The following ZNF233 variants were observed in gnomAD, a reference collection of about 807,000 sequenced individuals.
ZNF233 encodes zinc finger protein 233.
Under a neutral mutation model 11.6 loss-of-function variants are expected in ZNF233, and 7 were observed. The ratio of observed to expected loss-of-function variants is 0.60; its 90% CI spans 0.34 to 1.13. ZNF233 has a LOEUF of 1.13. ZNF233 is among the 50% of genes most tolerant of loss of function. The pLI is 0.03. For synonymous variants in ZNF233, 226 were observed against 268.5 expected, an observed-to-expected ratio of 0.84 and a Z score of 1.55; for missense variants, 711 against 785.5, an observed-to-expected ratio of 0.91 and a Z score of 1.13.
In ZNF233 at chr19:44,273,705, C is replaced by A. The variant is rs143381681; in HGVS notation, c.1045C>A (p.Arg349=). 1 of 1,613,976 alleles carries A rather than the reference C, an allele frequency of 6.2e-7. No individual in the cohort carries two copies. The highest frequency in any genetic ancestry group is 1.1e-5 in the South Asian group (1 of 91,056). The change falls in exon 5 of 5, where the codon CGG becomes AGG. Residue 349 remains arginine, a synonymous_variant. Coordinates refer to ENST00000683810, the MANE Select transcript of ZNF233 (RefSeq NM_001207005.2). ...ENLYRCQVYA[R]SSNQNSCLPS... is the part of the protein sequence containing the mutation. ...CCTCTACAGATGTCAGGTATATGCCCGGAGCTCCAACCAGAACTCCTGTCT... is the reference window on the plus strand; with the variant it reads ...CCTCTACAGATGTCAGGTATATGCCAGGAGCTCCAACCAGAACTCCTGTCT...
At chr19:44,260,801 C>A (rs1377295643) in intron 1 of ZNF233, among the ~76,000 whole-genome samples, 2 of 152,168 alleles carry the variant, frequency 1.3e-5, no homozygotes, top group Non-Finnish European at 2.9e-5. Flanking sequence ...AGATTTCCCA[C>A]ACTCATTAGC....
chr19:44,272,920 T>TA lies in ZNF233; in HGVS notation c.261dup (p.Asp88ArgfsTer14). ...CTAGGACACAAGAATCAAAATGAGA[T>TA]AGATACCCTTCAAGAAGTAAGATTA... is the stretch of plus-strand genomic sequence containing the variant. On this transcript the variant is annotated frameshift_variant, in exon 5 of 5. Coordinates refer to ENST00000683810, the MANE Select transcript of ZNF233 (RefSeq NM_001207005.2). LOFTEE classifies it low-confidence loss of function (END_TRUNC). The TA allele has an allele frequency of 6.3e-7, 1 of 1,592,504 alleles. No homozygotes were observed. The highest frequency in any genetic ancestry group is 8.5e-7 in the Non-Finnish European group (1 of 1,172,790).
At chr19:44,262,952 A>T (rs1380004694) in intron 1 of ZNF233, among the ~76,000 whole-genome samples, 1 of 152,140 alleles carries the variant, frequency 6.6e-6, no homozygotes, top group East Asian at 1.9e-4. Context: ...TTAGAGAAGG[A>T]GACACGATTA....
At chr19:44,264,429 A>G in intron 2 of ZNF233, 54 bp downstream of exon 2, 3 of 1,536,970 alleles carry the variant, frequency 2.0e-6, no homozygotes, top group Non-Finnish European at 2.7e-6. Flanking sequence ...TTCCTCAAAG[A>G]TTAGACACTT....
At chr19:44,271,874 G>A (rs1045459117) in intron 4 of ZNF233, among the ~76,000 whole-genome samples, 5 of 152,002 alleles carry the variant, frequency 3.3e-5, no homozygotes, top group Admixed American at 1.3e-4. Context: ...CCTCTACAAC[G>A]TCTTTCTAGG....
At chr19:44,265,428 T>TC (rs1975056159) in intron 2 of ZNF233, among the ~76,000 whole-genome samples, 3 of 151,654 alleles carry the variant, frequency 2.0e-5, no homozygotes, top group African/African-American at 7.3e-5. Context: ...TCTTTTCTTT[T>TC]GTTTTTTTTT....
Position 44,274,494 on chromosome 19 carries a change from A to G in ZNF233, c.1834A>G (p.Arg612Gly), listed in dbSNP as rs367738951. Residue 612 changes from arginine (R) to glycine (G), a missense_variant, in exon 5 of 5, where the codon AGG becomes GGG. Physicochemically the swap from Arg to Gly is moderately radical, Grantham distance 125. Coordinates refer to ENST00000683810, the MANE Select transcript of ZNF233 (RefSeq NM_001207005.2). ...GAACTCATATCTTCATGTTCATCAG[A>G]GGATCCACACGGGAGAGAAACCCTA... is the stretch of plus-strand genomic sequence containing the variant. The part of the protein sequence containing the change: ...IWNSYLHVHQ[R>G]IHTGEKPYKC... 3 of 1,613,882 alleles carry G rather than the reference A, an allele frequency of 1.9e-6. No homozygotes were observed. Among genetic ancestry groups the G allele is most frequent in the African/African-American group, 2.7e-5 (2 of 74,876 alleles).
At chr19:44,265,370 C>CATAT (rs1473436514) in intron 2 of ZNF233, among the ~76,000 whole-genome samples, 1 of 66,500 alleles carries the variant, frequency 1.5e-5, no homozygotes, top group African/African-American at 4.1e-5. Flanking sequence ...TATATATACA[C>CATAT]ACACACACAC....
At position 44,266,183 on chromosome 19, in the gene ZNF233, T is replaced by G. The variant is rs1352250646; in HGVS notation, c.16-15T>G. 3.7e-6 allele frequency: 6 copies of G among 1,601,008 alleles called. No individual in the cohort carries two copies. In the South Asian group the frequency reaches 4.5e-5, roughly 12 times the overall value. On this transcript the variant is annotated splice_polypyrimidine_tract_variant and intron_variant, in intron 2 of 4. Coordinates refer to ENST00000683810, the MANE Select transcript of ZNF233 (RefSeq NM_001207005.2). ...TTGGCCATAAGATTGAGATTACATC[T>G]GCTTGATGTTGTAGGAGATGGTGAC...
chr19:44,273,534 G>C lies in ZNF233; in HGVS notation c.874G>C (p.Gly292Arg), dbSNP rs778032708. Residue 292 changes from glycine (G) to arginine (R), a missense_variant, in exon 5 of 5, where the codon GGG (glycine) becomes CGG (arginine). Transcript: ENST00000683810. ...CAAGCCTCATGTAAATGTTGAGTAC[G>C]GGAAGGGCATAGGTTACAGCTCAGG... is the stretch of plus-strand genomic sequence containing the variant. ...RDKPHVNVEY[G>R]KGIGYSSGLP... 6.2e-7 allele frequency: 1 copy of C among 1,614,070 alleles called. No homozygotes were observed. The highest frequency in any genetic ancestry group is 8.5e-7 in the Non-Finnish European group (1 of 1,180,044).
chr19:44,270,582 G>A (rs1230179634), intron 4 of ZNF233, among the ~76,000 whole-genome samples: 3 of 152,076 alleles, frequency 2.0e-5, no homozygotes, highest in African/African-American at 7.2e-5. Context: ...GTTTCTATGG[G>A]TTAGGTATAT....
intron 1 of ZNF233, among the ~76,000 whole-genome samples, chr19:44,263,076 C>T (rs1008242038): frequency 1.2e-4 from 18 of 152,128 alleles, no homozygotes; most frequent in Admixed American, 3.3e-4. Context: ...TAAATGGGAA[C>T]GACAGTCATC....
At chr19:44,268,389 A>C (rs1975150703) in intron 4 of ZNF233, among the ~76,000 whole-genome samples, 1 of 151,910 alleles carries the variant, frequency 6.6e-6, no homozygotes, top group African/African-American at 2.4e-5. Flanking sequence ...TGGCTTTTTC[A>C]CCTAGGCTGG....
intron 2 of ZNF233, among the ~76,000 whole-genome samples, chr19:44,264,633 A>G (rs781287300): frequency 1.3e-5 from 2 of 152,212 alleles, no homozygotes; most frequent in Non-Finnish European, 2.9e-5. Flanking sequence ...AAACCTCCAC[A>G]TTACTACATT....
rs778055148 is a variant in ZNF233 at position 44,266,219 on chromosome 19, G to A, written c.37G>A (p.Val13Met). Reference protein sequence around the residue: ...KFQEMVTFKDVAVVFTREELG... With the variant: ...KFQEMVTFKDMAVVFTREELG... ...GTAGGAGATGGTGACATTCAAGGATGTGGCTGTGGTCTTCACCAGGGAGGA... is the reference window on the plus strand; with the variant it reads ...GTAGGAGATGGTGACATTCAAGGATATGGCTGTGGTCTTCACCAGGGAGGA... Residue 13 changes from valine (V) to methionine (M), a missense_variant, in exon 3 of 5, where the codon GTG (valine) becomes ATG (methionine). Transcript: ENST00000683810. 6.2e-7 allele frequency: 1 copy of A among 1,611,530 alleles called. No homozygotes were observed. Among genetic ancestry groups the A allele is most frequent in the Non-Finnish European group, 8.5e-7 (1 of 1,178,556 alleles).
intron 1 of ZNF233, among the ~76,000 whole-genome samples, chr19:44,263,400 G>C (rs1974987995): frequency 6.6e-6 from 1 of 151,926 alleles, no homozygotes; most frequent in African/African-American, 2.4e-5. Context: ...TATTCGATTT[G>C]CTCATTAATC....
chr19:44,269,897 C>T (rs1165848628), intron 4 of ZNF233, among the ~76,000 whole-genome samples: 1 of 152,168 alleles, frequency 6.6e-6, no homozygotes, highest in Non-Finnish European at 1.5e-5. Context: ...TAGGGTTTCA[C>T]ATTCTGCTTA....
In ZNF233 at chr19:44,272,920, T is replaced by C. The variant is rs369601595; in HGVS notation, c.260T>C (p.Ile87Thr). 9.4e-6 allele frequency: 15 copies of C among 1,592,386 alleles called. No homozygotes were observed. The African/African-American group carries it at 1.5e-4, about 16-fold the overall frequency. The change falls in exon 5 of 5, where the codon ATA (isoleucine) becomes ACA (threonine). Residue 87 changes from isoleucine to threonine, a missense_variant. Transcript: ENST00000683810. Reference protein sequence around the residue: ...GCSGHKNQNEIDTLQEVRLRF... With the variant: ...GCSGHKNQNETDTLQEVRLRF... ...CTAGGACACAAGAATCAAAATGAGA[T>C]AGATACCCTTCAAGAAGTAAGATTA...
rs1024204600 is a variant in ZNF233, at chr19:44,275,055, T to C, written c.*382T>C. On this transcript the variant is annotated 3_prime_UTR_variant, in exon 5 of 5. Coordinates refer to ENST00000683810, the MANE Select transcript of ZNF233 (RefSeq NM_001207005.2). ...ATAATGAGGGACATGACAAAATCTG[T>C]GTCCACTAGAATCTAAGCTCCATGC... is the stretch of plus-strand genomic sequence containing the variant. 1.7e-5 allele frequency: 7 copies of C among 406,236 alleles called. No individual in the cohort carries two copies. The East Asian group carries it at 2.5e-4, about 14-fold the overall frequency. The allele number at this position is 406,236 out of a possible 1,614,324, so 25.2% of individuals were successfully genotyped here.
Sources: allele counts gnomAD v4.1 joint callset (sites outside exome capture counted in the v4.1 genomes callset), GRCh38; gene constraint gnomAD v4.1.1; transcripts MANE v1.5; gene names NCBI Gene and HGNC (gene_info 2026-07-23, HGNC 2026-07-21).